The following ABHD18 variants were observed in gnomAD, a reference collection of about 807,000 sequenced individuals.
ABHD18 encodes abhydrolase domain containing 18.
ABHD18 carries 55 observed loss-of-function variants against 65.9 expected under a neutral mutation model. The observed-to-expected ratio is 0.84, with a 90% CI of 0.67 to 1.05. ABHD18 has a LOEUF of 1.05. Ranked by LOEUF, ABHD18 falls within the 50% of genes least tolerant of loss-of-function variation. The pLI is 0.00. For missense variants in ABHD18, 533 were observed against 558.5 expected, an observed-to-expected ratio of 0.95 and a Z score of 0.46; for synonymous variants, 181 against 180.2, an observed-to-expected ratio of 1.00 and a Z score of -0.04.
In ABHD18 at chr4:127,991,370, G is replaced by A. The variant is rs189635491; in HGVS notation, c.278+1549G>A. ...GTCTCCGGAGTAGTTGGGATTATAG[G>A]CACCCACCACACCTGGCTAATTTTT... On this transcript the variant is annotated intron_variant, in intron 4 of 12. Transcript: ENST00000645843. Among the ~76,000 whole-genome samples, 822 of 152,026 alleles carry A rather than the reference G, an allele frequency of 5.4e-3. 7 individuals carry two copies. Among genetic ancestry groups the A allele is most frequent in the African/African-American group, 0.019 (775 of 41,464 alleles).
rs376388796 is a variant in ABHD18, at chr4:127,982,922, T to A, written c.-17-17T>A. On this transcript the variant is annotated splice_polypyrimidine_tract_variant and intron_variant, in intron 1 of 12. Coordinates refer to ENST00000645843, the MANE Select transcript of ABHD18 (RefSeq NM_001358451.3). Reference sequence around the variant, plus strand: ...CAAATAAAATATTTTAAAGCCATTTTAAATTTTGTTTTATAGATGCTTGTT... The same window carrying A: ...CAAATAAAATATTTTAAAGCCATTTAAAATTTTGTTTTATAGATGCTTGTT... 117 of 1,349,516 alleles carry A rather than the reference T, an allele frequency of 8.7e-5. No individual in the cohort carries two copies. In the African/African-American group the frequency reaches 1.7e-3, roughly 19 times the overall value. 83.6% of individuals were successfully genotyped at this position (1,349,516 alleles called of 1,614,324 possible). A position where few individuals can be genotyped will look rare whatever the true frequency, so the allele number is the denominator to read the frequency against.
intron 1 of ABHD18, among the ~76,000 whole-genome samples, chr4:127,972,970 A>G (rs1185653016): frequency 1.3e-5 from 2 of 151,990 alleles, no homozygotes; most frequent in East Asian, 3.9e-4. Flanking sequence ...ATATATAAAC[A>G]TGATTTAGAC....
rs1436867397 is a variant in ABHD18, at chr4:128,035,065, A to G, written c.1344-697A>G. On this transcript the variant is annotated intron_variant, in intron 12 of 12. Coordinates refer to ENST00000645843, the MANE Select transcript of ABHD18 (RefSeq NM_001358451.3). ...TGTTCATAGTAAATGAAAAACATCTATATCATAATCTGTGAAACAGAATCT... is the reference window on the plus strand; with the variant it reads ...TGTTCATAGTAAATGAAAAACATCTGTATCATAATCTGTGAAACAGAATCT... Among the ~76,000 whole-genome samples the G allele has an allele frequency of 7.2e-5, 11 of 152,348 alleles. No individual in the cohort carries two copies. The East Asian group carries it at 1.3e-3, about 19-fold the overall frequency.
At chr4:127,978,906 T>C (rs533471019) in intron 1 of ABHD18, among the ~76,000 whole-genome samples, 32 of 152,214 alleles carry the variant, frequency 2.1e-4, no homozygotes, top group Non-Finnish European at 4.6e-4. Context: ...CACTGTAAAG[T>C]TGAAAAATCG....
intron 4 of ABHD18, among the ~76,000 whole-genome samples, chr4:127,999,513 A>G (rs1752315114): frequency 6.6e-6 from 1 of 152,248 alleles, no homozygotes; most frequent in Admixed American, 6.5e-5. Context: ...TGCAAATAAT[A>G]CAGATTCTGG....
intron 4 of ABHD18, chr4:128,001,701 T>C (rs1229163747): frequency 1.9e-6 from 3 of 1,543,416 alleles, no homozygotes; most frequent in East Asian, 2.5e-5. Context: ...TGGTGTGTTC[T>C]TTTCTGTCTT....
At chr4:128,035,477 G>T (rs530003832) in intron 12 of ABHD18, among the ~76,000 whole-genome samples, 15 of 152,076 alleles carry the variant, frequency 9.9e-5, no homozygotes, top group Non-Finnish European at 2.2e-4. Flanking sequence ...GGAGGCTGAG[G>T]CATGAGAATC....
intron 4 of ABHD18, among the ~76,000 whole-genome samples, chr4:127,995,530 G>A (rs1751597277): frequency 6.6e-6 from 1 of 151,970 alleles, no homozygotes; most frequent in Admixed American, 6.6e-5. Context: ...AAATATGTAT[G>A]TTAAACTTTA....
At chr4:127,993,331 C>T (rs1057129268) in intron 4 of ABHD18, among the ~76,000 whole-genome samples, 2 of 152,116 alleles carry the variant, frequency 1.3e-5, no homozygotes, top group African/African-American at 4.8e-5. Context: ...AATTGAGGAA[C>T]GGTTCTTTCC....
At chr4:128,027,790 T>C (rs941349222) in intron 10 of ABHD18, among the ~76,000 whole-genome samples, 2 of 152,128 alleles carry the variant, frequency 1.3e-5, no homozygotes, top group Admixed American at 1.3e-4. Flanking sequence ...CATTACTCAG[T>C]TGTAAGACTT....
chr4:127,989,960 A>G, intron 4 of ABHD18, 139 bp downstream of exon 4: 1 of 549,580 alleles, frequency 1.8e-6, no homozygotes, highest in Admixed American at 3.5e-5. Context: ...AGATATTTTA[A>G]TTCTTCAAAG....
chr4:127,982,284 A>C (rs909079518), intron 1 of ABHD18, among the ~76,000 whole-genome samples: 1 of 152,242 alleles, frequency 6.6e-6, no homozygotes, highest in Non-Finnish European at 1.5e-5. Flanking sequence ...CATACCATTC[A>C]GTTTGACAAG....
intron 10 of ABHD18, among the ~76,000 whole-genome samples, chr4:128,021,766 C>T (rs1323286466): frequency 6.7e-6 from 1 of 150,184 alleles, no homozygotes; most frequent in African/African-American, 2.5e-5. Context: ...GTAACTAGTA[C>T]CTAGGTCAAA....
chr4:128,030,861 C>T (rs1337065288), intron 12 of ABHD18, 189 bp downstream of exon 12: 1 of 1,350,658 alleles, frequency 7.4e-7, no homozygotes, highest in East Asian at 3.1e-5. Flanking sequence ...TTATTTTCTT[C>T]TAGAGAACTA....
At chr4:127,999,370 G>A (rs1480174348) in intron 4 of ABHD18, among the ~76,000 whole-genome samples, 4 of 152,086 alleles carry the variant, frequency 2.6e-5, no homozygotes, top group African/African-American at 9.7e-5. Context: ...CTAGGTGAAG[G>A]TGAGTTGCTG....
chr4:127,976,213 C>T (rs1747891542), intron 1 of ABHD18, among the ~76,000 whole-genome samples: 1 of 151,882 alleles, frequency 6.6e-6, no homozygotes, highest in Non-Finnish European at 1.5e-5. Flanking sequence ...ATTTTCTAAC[C>T]CAGGGGTCAG....
At chr4:128,035,219 G>T (rs1338284565) in intron 12 of ABHD18, among the ~76,000 whole-genome samples, 2 of 152,150 alleles carry the variant, frequency 1.3e-5, no homozygotes, top group East Asian at 3.9e-4. Flanking sequence ...GTGTATGTAT[G>T]AATATATATA....
At chr4:128,013,299 A>G (rs1754890010) in intron 7 of ABHD18, among the ~76,000 whole-genome samples, 1 of 152,168 alleles carries the variant, frequency 6.6e-6, no homozygotes, top group Non-Finnish European at 1.5e-5. Context: ...TAGTGACTTT[A>G]GTTTAACTAG....
At chr4:127,995,648 A>G (rs1751615262) in intron 4 of ABHD18, among the ~76,000 whole-genome samples, 1 of 152,190 alleles carries the variant, frequency 6.6e-6, no homozygotes, top group Non-Finnish European at 1.5e-5. Context: ...AACAGCAGTA[A>G]ATTAAATATA....
Sources: gnomAD v4.1 joint callset for allele counts (sites outside exome capture counted in the v4.1 genomes callset) on GRCh38, gnomAD v4.1.1 for gene constraint, MANE v1.5 for transcripts, NCBI Gene and HGNC (gene_info 2026-07-23, HGNC 2026-07-21) for gene names.